TMEM120B: variants seen among roughly 807,000 people sequenced by gnomAD.
TMEM120B encodes the protein transmembrane protein 120B.
In TMEM120B, 31 loss-of-function variants were observed where a neutral mutation model predicts 55.5. The observed-to-expected ratio is 0.56, with a 90% confidence interval of 0.42 to 0.75. The LOEUF (loss-of-function observed/expected upper bound fraction) is 0.75. Among genes scored for constraint, TMEM120B ranks in the 30% least tolerant of loss-of-function variants. The probability of loss-of-function intolerance (pLI) is 0.00; values close to 1 mark genes in which losing one functional copy is unlikely to be tolerated. For missense variants in TMEM120B, 399 were observed against 425.5 expected, an observed-to-expected ratio of 0.94 and a Z score of 0.55; for synonymous variants, 203 against 176.3, an observed-to-expected ratio of 1.15 and a Z score of -1.20.
In TMEM120B at chr12:121,779,458, G is replaced by T. The variant is rs377728925; in HGVS notation, c.*3736G>T. 3.8e-6 allele frequency: 6 copies of T among 1,599,526 alleles called. No homozygotes were observed. In the South Asian group the frequency reaches 6.6e-5, roughly 18 times the overall value. ...TGGTGCAATCGGCACCTGGGCCCCC[G>T]GGCCCTGTCAGTGCTGTCGTGAGGT... On this transcript the variant is annotated 3_prime_UTR_variant, in exon 12 of 12. Coordinates refer to ENST00000449592, the MANE Select transcript of TMEM120B (RefSeq NM_001080825.2).
In TMEM120B at chr12:121,775,789, A is replaced by C. The variant is rs773442566; in HGVS notation, c.*67A>C. 3.2e-6 allele frequency: 5 copies of C among 1,548,166 alleles called. No homozygotes were observed. The highest frequency in any genetic ancestry group is 4.4e-6 in the Non-Finnish European group (5 of 1,129,696). On this transcript the variant is annotated 3_prime_UTR_variant, in exon 12 of 12. Coordinates refer to ENST00000449592, the MANE Select transcript of TMEM120B (RefSeq NM_001080825.2). This position sits in a 1 kb window ranked among gnomAD's most constrained non-coding sequence, Gnocchi z 4.3. ...GGGGGCTCCCGGGCTCCTTCCCAGCAGCCCTCTCAGGCCCGTGGCATCGCT... is the reference window on the plus strand; with the variant it reads ...GGGGGCTCCCGGGCTCCTTCCCAGCCGCCCTCTCAGGCCCGTGGCATCGCT...
At chr12:121,716,841 G>A (rs890682993) in intron 1 of TMEM120B, among the ~76,000 whole-genome samples, 6 of 152,100 alleles carry the variant, frequency 3.9e-5, no homozygotes, top group East Asian at 3.9e-4. Context: ...GATTACAGGC[G>A]TGAGCCACTG....
intron 8 of TMEM120B, 102 bp from the exon 9 acceptor site, chr12:121,773,319 T>C (rs148547413): frequency 1.3e-5 from 13 of 1,039,554 alleles, no homozygotes; most frequent in Non-Finnish European, 1.7e-5. Context: ...TTTCTGCTTC[T>C]GCCCAGTAAA....
At chr12:121,773,568 C>T (rs1429145490) in intron 9 of TMEM120B, 55 bp downstream of exon 9, 1 of 1,394,558 alleles carries the variant, frequency 7.2e-7, no homozygotes, top group Non-Finnish European at 9.7e-7. Context: ...TGCCAGCTCC[C>T]CACACCGGGA....
intron 9 of TMEM120B, 26 bp downstream of exon 9, chr12:121,773,539 C>G (rs1160007808): frequency 6.4e-7 from 1 of 1,553,668 alleles, no homozygotes; most frequent in South Asian, 1.2e-5. Context: ...TGGGTTGGAG[C>G]CGGGGCAGGT....
chr12:121,732,471 AC>A (rs890063465), intron 1 of TMEM120B, among the ~76,000 whole-genome samples: 97 of 152,134 alleles, frequency 6.4e-4, no homozygotes, highest in African/African-American at 2.2e-3. Context: ...AGCAGGAATG[AC>A]CTCGTGTATC....
At position 121,779,453 on chromosome 12, in the gene TMEM120B, C is replaced by G. The variant is rs551464295; in HGVS notation, c.*3731C>G. ...CTCCCTGGTGCAATCGGCACCTGGG[C>G]CCCCGGGCCCTGTCAGTGCTGTCGT... On this transcript the variant is annotated 3_prime_UTR_variant, in exon 12 of 12. Coordinates refer to ENST00000449592, the MANE Select transcript of TMEM120B (RefSeq NM_001080825.2). 2 of 1,593,642 alleles carry G rather than the reference C, an allele frequency of 1.3e-6. No individual in the cohort carries two copies. Among genetic ancestry groups the G allele is most frequent in the African/African-American group, 1.3e-5 (1 of 74,636 alleles).
chr12:121,743,804 C>A, intron 2 of TMEM120B, 57 bp downstream of exon 2: 2 of 1,247,876 alleles, frequency 1.6e-6, no homozygotes, highest in Non-Finnish European at 2.3e-6. Context: ...AAGTCCAACT[C>A]AAAACAGGCT....
rs894104766 is a variant in TMEM120B, at chr12:121,758,051, T to C, written c.462-3598T>C. 10 of 513,902 alleles carry C rather than the reference T, an allele frequency of 1.9e-5. No homozygotes were observed. In the African/African-American group the frequency reaches 2.1e-4, roughly 11 times the overall value. 31.8% of individuals were successfully genotyped at this position (513,902 alleles called of 1,614,324 possible). A position where few individuals can be genotyped will look rare whatever the true frequency, so the allele number is the denominator to read the frequency against. On this transcript the variant is annotated intron_variant, in intron 5 of 11. Coordinates refer to ENST00000449592, the MANE Select transcript of TMEM120B (RefSeq NM_001080825.2). ...AGAGGATCGCTTGAGCCCAGGAGATTAAGGCTACAGTGGGCCATGATCACG... is the reference window on the plus strand; with the variant it reads ...AGAGGATCGCTTGAGCCCAGGAGATCAAGGCTACAGTGGGCCATGATCACG...
intron 2 of TMEM120B, 27 bp downstream of exon 2, chr12:121,743,774 G>A: frequency 6.5e-7 from 1 of 1,539,340 alleles, no homozygotes; most frequent in Admixed American, 1.7e-5. Flanking sequence ...CCCGGGGGCT[G>A]CCCTGGTTCT....
chr12:121,758,535 A>C (rs1204150417), intron 5 of TMEM120B: 1 of 977,848 alleles, frequency 1.0e-6, no homozygotes, highest in Non-Finnish European at 1.2e-6. Flanking sequence ...AGGATGGCCT[A>C]GCTCCACGCT....
intron 2 of TMEM120B, 94 bp from the exon 3 acceptor site, chr12:121,748,232 G>A (rs1417526612): frequency 1.6e-5 from 13 of 801,222 alleles, no homozygotes; most frequent in Non-Finnish European, 4.2e-6. Flanking sequence ...AGGAGGCACT[G>A]GGGTAGAAGG....
In TMEM120B at chr12:121,775,719, G is replaced by A. The variant is rs368489242; in HGVS notation, c.1017G>A (p.Pro339=). ...LQKNRGKTKQ[P] Reference sequence around the variant, plus strand: ...AGAACAGAGGCAAGACAAAGCAGCCGTGAGCCTCGGGCTCCTGTGCCCTCG... The same window carrying A: ...AGAACAGAGGCAAGACAAAGCAGCCATGAGCCTCGGGCTCCTGTGCCCTCG... Residue 339 remains proline, a synonymous_variant, in exon 12 of 12, where the codon CCG becomes CCA. Coordinates refer to ENST00000449592, the MANE Select transcript of TMEM120B (RefSeq NM_001080825.2). The surrounding 1 kb of genome is among the most constrained non-coding windows in gnomAD (Gnocchi z 4.3). 39 of 1,613,698 alleles carry A rather than the reference G, an allele frequency of 2.4e-5. No homozygotes were observed. Among genetic ancestry groups the A allele is most frequent in the African/African-American group, 1.3e-4 (10 of 74,928 alleles).
At chr12:121,719,659 T>A (rs1309245254) in intron 1 of TMEM120B, among the ~76,000 whole-genome samples, 1 of 152,072 alleles carries the variant, frequency 6.6e-6, no homozygotes, top group Admixed American at 6.6e-5. Flanking sequence ...GGGGGTAGTT[T>A]AAGGGGGTGG....
intron 1 of TMEM120B, among the ~76,000 whole-genome samples, chr12:121,731,505 G>A (rs1895002424): frequency 6.6e-6 from 1 of 152,024 alleles, no homozygotes; most frequent in East Asian, 1.9e-4. Context: ...TCTGCCCTAG[G>A]CCCTGTTTAG....
chr12:121,761,676 G>A lies in TMEM120B; in HGVS notation c.489G>A (p.Leu163=). ...TGACTGACGAAGTCTTCAACTTCCT[G>A]CTGGTGTGGTATTACTGCACCCTGA... The part of the protein sequence containing the change: ...YRVTDEVFNF[L]LVWYYCTLTI... The change falls in exon 6 of 12, where the codon CTG becomes CTA. Residue 163 remains leucine (L), a synonymous_variant. Coordinates refer to ENST00000449592, the MANE Select transcript of TMEM120B (RefSeq NM_001080825.2). 6.2e-7 allele frequency: 1 copy of A among 1,613,966 alleles called. No homozygotes were observed.
intron 1 of TMEM120B, among the ~76,000 whole-genome samples, chr12:121,738,962 G>C (rs927397121): frequency 9.4e-5 from 14 of 149,660 alleles, no homozygotes; most frequent in African/African-American, 3.3e-4. Context: ...CGAGGTGGGA[G>C]GATCATTTGA....
intron 1 of TMEM120B, among the ~76,000 whole-genome samples, chr12:121,734,028 T>C (rs950434464): frequency 2.0e-5 from 3 of 152,178 alleles, no homozygotes; most frequent in Non-Finnish European, 4.4e-5. Flanking sequence ...GTAGTTTCTT[T>C]GTCACATGAC....
chr12:121,767,411 C>T (rs1057167617), intron 6 of TMEM120B, among the ~76,000 whole-genome samples: 2 of 152,220 alleles, frequency 1.3e-5, no homozygotes, highest in African/African-American at 4.8e-5. Flanking sequence ...CTGCCCGCCT[C>T]GGCCTCCCAA....
Sources: gnomAD v4.1 joint callset for allele counts (sites outside exome capture counted in the v4.1 genomes callset) on GRCh38, gnomAD v4.1.1 for gene constraint, Gnocchi (gnomAD v3.1) non-coding constraint, MANE v1.5 for transcripts, NCBI Gene and HGNC (gene_info 2026-07-23, HGNC 2026-07-21) for gene names.